Variants in PLEKHM3 observed in about 807,000 individuals in gnomAD.
The protein encoded by PLEKHM3 is pleckstrin homology domain-containing family M member 3.
PLEKHM3 carries 45 observed loss-of-function variants against 81.8 expected under a neutral mutation model. The observed-to-expected ratio is 0.55, with a 90% CI of 0.43 to 0.71. The LOEUF is 0.71. Ranked by LOEUF, PLEKHM3 falls within the 30% of genes least tolerant of loss-of-function variation. The pLI is 0.00. For missense variants in PLEKHM3, 788 were observed against 924.3 expected, an observed-to-expected ratio of 0.85 and a Z score of 1.91; for synonymous variants, 352 against 356.4, an observed-to-expected ratio of 0.99 and a Z score of 0.14.
rs114069552 is a variant in PLEKHM3 at position 207,993,933 on chromosome 2, C to T, written c.610+7097G>A. Among the ~76,000 whole-genome samples the T allele has an allele frequency of 5.7e-3, 875 of 152,246 alleles. 8 individuals are homozygous for T. The highest frequency in any genetic ancestry group is 0.021 in the African/African-American group (852 of 41,532). ...CTGTGTTAAATAATTTCAACCATAC[C>T]TACGTTTTCATTACAATTTTTTATT... is the stretch of plus-strand genomic sequence containing the variant. On this transcript the variant is annotated intron_variant, in intron 2 of 7. Coordinates refer to ENST00000427836, the MANE Select transcript of PLEKHM3 (RefSeq NM_001080475.3).
intron 5 of PLEKHM3, among the ~76,000 whole-genome samples, chr2:207,915,642 A>C (rs1332777181): frequency 2.0e-5 from 3 of 152,202 alleles, no homozygotes; most frequent in Admixed American, 6.5e-5. Flanking sequence ...CTTAGGCTTT[A>C]AAGAAAAGAC....
chr2:208,021,653 A>T (rs1353190524), intron 1 of PLEKHM3, among the ~76,000 whole-genome samples: 1 of 152,242 alleles, frequency 6.6e-6, no homozygotes, highest in Non-Finnish European at 1.5e-5. Context: ...TAAGTACTAC[A>T]TGTTCATTGC....
chr2:207,977,083 T>A lies in PLEKHM3; in HGVS notation c.1114A>T (p.Thr372Ser). 6.2e-7 allele frequency: 1 copy of A among 1,614,204 alleles called. No homozygotes were observed. The highest frequency in any genetic ancestry group is 8.5e-7 in the Non-Finnish European group (1 of 1,180,018). ...ILKSGTLYRL[T>S]VQNNWKAFTF... ...AATGCCTTCCAGTTGTTTTGGACAG[T>A]CAGCCTGTAGAGAGTCCCTGATTTG... The change falls in exon 3 of 8, where the codon ACT becomes TCT. Residue 372 changes from threonine to serine, a missense_variant. Coordinates refer to ENST00000427836, the MANE Select transcript of PLEKHM3 (RefSeq NM_001080475.3).
chr2:207,883,242 G>C (rs1193776789), intron 6 of PLEKHM3, among the ~76,000 whole-genome samples: 10 of 152,166 alleles, frequency 6.6e-5, no homozygotes, highest in Admixed American at 6.5e-4. Context: ...ATATAAAACT[G>C]AAAGAATTTC....
intron 1 of PLEKHM3, among the ~76,000 whole-genome samples, chr2:208,024,131 A>AG (rs1398400944): frequency 1.4e-5 from 2 of 138,076 alleles, no homozygotes; most frequent in Non-Finnish European, 3.1e-5. Context: ...TGACAGAGTA[A>AG]GACCCTGTCT....
rs750237268 is a variant in PLEKHM3 at position 207,923,888 on chromosome 2, T to C, written c.1886+7038A>G. 3.8e-3 allele frequency among the ~76,000 whole-genome samples: 274 copies of C among 72,740 alleles called. 3 individuals carry two copies. Among genetic ancestry groups the C allele is most frequent in the East Asian group, 8.7e-3 (25 of 2,878 alleles). 47.7% of individuals were successfully genotyped at this position (72,740 alleles called of 152,430 possible). On this transcript the variant is annotated intron_variant, in intron 5 of 7. Transcript: ENST00000427836. ...ACACACACACACACACACATATATATATATATATATATATATATTTTTTTT... is the reference window on the plus strand; with the variant it reads ...ACACACACACACACACACATATATACATATATATATATATATATTTTTTTT...
intron 7 of PLEKHM3, among the ~76,000 whole-genome samples, chr2:207,857,317 T>G (rs544013014): frequency 5.9e-5 from 9 of 152,370 alleles, no homozygotes; most frequent in African/African-American, 1.9e-4. Flanking sequence ...ATTCTAAAAA[T>G]GAATCTGGAC....
At chr2:207,978,177 G>A (rs1003428714) in intron 2 of PLEKHM3, among the ~76,000 whole-genome samples, 3 of 142,364 alleles carry the variant, frequency 2.1e-5, no homozygotes, top group Non-Finnish European at 4.8e-5. Flanking sequence ...TCAACGGAGC[G>A]TGCAACATCA....
chr2:208,011,982 G>A (rs1448396583), intron 1 of PLEKHM3, among the ~76,000 whole-genome samples: 1 of 150,578 alleles, frequency 6.6e-6, no homozygotes, highest in Admixed American at 6.6e-5. Flanking sequence ...ATTTTTAGTA[G>A]AGATGGGGTT....
Position 207,976,862 on chromosome 2 carries a change from C to G in PLEKHM3, c.1335G>C (p.Gln445His). The G allele has an allele frequency of 1.9e-6, 3 of 1,614,242 alleles. No individual in the cohort carries two copies. The South Asian group carries it at 3.3e-5, about 18-fold the overall frequency. ...CTATCTTCAGAGCCTCCATCCATTC[C>G]TGAGCCCTCTGTCGGGTCTCAGCTC... ...RLRAETRQRAQEWMEALKIAA... is the reference protein window; with the variant it reads ...RLRAETRQRAHEWMEALKIAA... Residue 445 changes from glutamine to histidine, a missense_variant, in exon 3 of 8, where the codon CAG becomes CAC. By Grantham distance (24) the Gln-to-His change is conservative. Transcript: ENST00000427836. The surrounding 1 kb of genome is among the most constrained non-coding windows in gnomAD (Gnocchi z 4.1).
At chr2:207,954,198 T>TC (rs1690430385) in intron 3 of PLEKHM3, among the ~76,000 whole-genome samples, 1 of 152,048 alleles carries the variant, frequency 6.6e-6, no homozygotes, top group South Asian at 2.1e-4. Flanking sequence ...TCCAAAAATT[T>TC]CTAAAAAATT....
intron 6 of PLEKHM3, among the ~76,000 whole-genome samples, chr2:207,898,587 C>T (rs1464467247): frequency 6.6e-6 from 1 of 152,182 alleles, no homozygotes; most frequent in Non-Finnish European, 1.5e-5. Context: ...AAACACATCT[C>T]TACCAAAAAA....
intron 3 of PLEKHM3, among the ~76,000 whole-genome samples, chr2:207,975,053 C>T (rs1691259526): frequency 6.6e-6 from 1 of 152,108 alleles, no homozygotes; most frequent in East Asian, 1.9e-4. Context: ...TGGTCTCGAA[C>T]TCCTGACCTT....
intron 5 of PLEKHM3, among the ~76,000 whole-genome samples, chr2:207,912,405 T>C (rs1282748849): frequency 1.3e-5 from 2 of 152,218 alleles, no homozygotes; most frequent in African/African-American, 2.4e-5. Flanking sequence ...CACACTTCAG[T>C]GTCTAATACT....
intron 2 of PLEKHM3, among the ~76,000 whole-genome samples, chr2:207,983,349 C>T (rs944055995): frequency 6.6e-6 from 1 of 152,146 alleles, no homozygotes; most frequent in African/African-American, 2.4e-5. Flanking sequence ...CCACGCCTGG[C>T]CTAAACATGG....
intron 6 of PLEKHM3, among the ~76,000 whole-genome samples, chr2:207,898,779 T>C (rs1688327497): frequency 3.3e-5 from 5 of 151,994 alleles, no homozygotes; most frequent in Admixed American, 3.3e-4. Flanking sequence ...GCCTATGGTT[T>C]CAGCTACCTG....
chr2:207,872,104 C>T (rs1024446674), intron 6 of PLEKHM3, among the ~76,000 whole-genome samples: 1 of 152,190 alleles, frequency 6.6e-6, no homozygotes, highest in Non-Finnish European at 1.5e-5. Flanking sequence ...TTAGTGACAA[C>T]TTCTGACTCA....
At chr2:207,875,615 A>G (rs2092556155) in intron 6 of PLEKHM3, among the ~76,000 whole-genome samples, 1 of 152,234 alleles carries the variant, frequency 6.6e-6, no homozygotes, top group South Asian at 2.1e-4. Flanking sequence ...TGTTCACTGC[A>G]GTATAGGTCC....
chr2:207,849,218 C>G (rs1230085113), intron 7 of PLEKHM3, among the ~76,000 whole-genome samples: 24 of 152,068 alleles, frequency 1.6e-4, no homozygotes, highest in Admixed American at 1.6e-3. Flanking sequence ...CTTGTAATCC[C>G]AGCTACTCAG....
Sources: gnomAD v4.1 joint callset for allele counts (sites outside exome capture counted in the v4.1 genomes callset) on GRCh38, gnomAD v4.1.1 for gene constraint, Gnocchi (gnomAD v3.1) non-coding constraint, MANE v1.5 for transcripts, NCBI Gene and HGNC (gene_info 2026-07-23, HGNC 2026-07-21) for gene names.